Variants in CNTFR observed in about 807,000 individuals in gnomAD.
The protein encoded by CNTFR is ciliary neurotrophic factor receptor subunit alpha.
A neutral mutation model predicts 40.4 loss-of-function variants in CNTFR; 12 were observed. That is an observed-to-expected ratio of 0.30 (90% CI 0.19 to 0.48). The LOEUF is 0.48. Ranked by LOEUF, CNTFR falls within the 20% of genes least tolerant of loss-of-function variation. The pLI is 0.99. For synonymous variants in CNTFR, 202 were observed against 209.6 expected, an observed-to-expected ratio of 0.96 and a Z score of 0.31; for missense variants, 414 against 506.8, an observed-to-expected ratio of 0.82 and a Z score of 1.76.
In CNTFR at chr9:34,565,632, G is replaced by A. The variant is rs560517423; in HGVS notation, c.86-800C>T. 5.9e-5 allele frequency among the ~76,000 whole-genome samples: 9 copies of A among 152,134 alleles called. No individual in the cohort carries two copies. In the South Asian group the frequency reaches 1.9e-3, roughly 32 times the overall value. ...CTGACCATTCCTCTCCTACCCCCAG[G>A]AGCGGCCTGTCAGAGCCAAAAGCAA... On this transcript the variant is annotated intron_variant, in intron 3 of 9. Transcript: ENST00000378980.
chr9:34,590,511 A>G (rs1827732329), upstream of CNTFR, among the ~76,000 whole-genome samples: 1 of 152,206 alleles, frequency 6.6e-6, no homozygotes. Flanking sequence ...CGCGGGGGAA[A>G]GGGGCTTCCT....
At chr9:34,555,935 G>GCCATCTCCCTCCCCCA (rs796955166) in intron 7 of CNTFR, among the ~76,000 whole-genome samples, 2 of 20,044 alleles carry the variant, frequency 1.0e-4, no homozygotes, top group Admixed American at 1.2e-3. Context: ...TCCCTCCCCC[G>GCCATCTCCCTCCCCCA]CCATCTCCCT....
At chr9:34,565,396 T>A (rs921445953) in intron 3 of CNTFR, among the ~76,000 whole-genome samples, 1 of 151,954 alleles carries the variant, frequency 6.6e-6, no homozygotes, top group African/African-American at 2.4e-5. Flanking sequence ...TCTCTTCCTG[T>A]CTCTCTCCCT....
At position 34,557,477 on chromosome 9, in the gene CNTFR, T is replaced by C. The variant is rs761089076; in HGVS notation, c.604+49A>G. 1 of 1,598,046 alleles carries C rather than the reference T, an allele frequency of 6.3e-7. No homozygotes were observed. The highest frequency in any genetic ancestry group is 1.3e-5 in the African/African-American group (1 of 74,812). On this transcript the variant is annotated intron_variant, in intron 6 of 9. Transcript: ENST00000378980. This position sits in a 1 kb window ranked among gnomAD's most constrained non-coding sequence, Gnocchi z 4.2. ...TCCCCACCAATGGCACACATCCACTTACATTCCCACTGGAGTAGGCAGCAG... is the reference window on the plus strand; with the variant it reads ...TCCCCACCAATGGCACACATCCACTCACATTCCCACTGGAGTAGGCAGCAG...
Position 34,551,657 on chromosome 9 carries a change from C to CG in CNTFR, c.*413_*414insC. On this transcript the variant is annotated 3_prime_UTR_variant, in exon 10 of 10. Transcript: ENST00000378980. ...TGCTGGGGGGAGGGGGATGGCTGGG[C>CG]CCCCCCAGCATCAGGAGCTTATAAT... The CG allele has an allele frequency of 3.1e-6, 1 of 322,352 alleles. No individual in the cohort carries two copies. 20.0% of individuals were successfully genotyped at this position (322,352 alleles called of 1,614,324 possible).
At chr9:34,579,210 G>C (rs941623943) in intron 2 of CNTFR, among the ~76,000 whole-genome samples, 3 of 152,156 alleles carry the variant, frequency 2.0e-5, no homozygotes, top group African/African-American at 7.2e-5. Flanking sequence ...TAGCTCAAAA[G>C]GGGCTGGAAC....
intron 6 of CNTFR, 62 bp from the exon 7 acceptor site, chr9:34,556,480 TC>T: frequency 6.7e-7 from 1 of 1,495,378 alleles, no homozygotes; most frequent in Non-Finnish European, 9.1e-7. Context: ...CTTTGTCAAC[TC>T]CAGCCACCAT....
chr9:34,584,154 T>C (rs761603115), intron 1 of CNTFR, among the ~76,000 whole-genome samples: 1 of 152,186 alleles, frequency 6.6e-6, no homozygotes, highest in African/African-American at 2.4e-5. Flanking sequence ...TTGAAATGGA[T>C]CCTACTGACT....
In CNTFR at chr9:34,568,935, G is replaced by C; in HGVS notation, c.47C>G (p.Ala16Gly). The change falls in exon 3 of 10, where the codon GCC (alanine) becomes GGC (glycine). Residue 16 changes from alanine to glycine, a missense_variant. Ala to Gly is a moderately conservative substitution (Grantham distance 60, BLOSUM62 0). Around this residue, in one of 3 missense-constraint regions of CNTFR, gnomAD observed 250 missense variants for 269.5 expected, o/e 0.93. Transcript: ENST00000378980. ...TCTCTGGGCGTAGACAACTGCGGCG[G>C]CGGCGGCAAGCACAGCACAGCAGGC... Reference protein sequence around the residue: ...PWACCAVLAAAAAVVYAQRHS... With the variant: ...PWACCAVLAAGAAVVYAQRHS... 6.2e-7 allele frequency: 1 copy of C among 1,601,566 alleles called. No homozygotes were observed. The highest frequency in any genetic ancestry group is 8.5e-7 in the Non-Finnish European group (1 of 1,174,506).
At chr9:34,565,265 A>T (rs868729044) in intron 3 of CNTFR, among the ~76,000 whole-genome samples, 7 of 151,926 alleles carry the variant, frequency 4.6e-5, no homozygotes. Flanking sequence ...ATTATTACCC[A>T]GGCAAGCTGG....
chr9:34,566,420 G>C (rs951857484), intron 3 of CNTFR, among the ~76,000 whole-genome samples: 1 of 152,126 alleles, frequency 6.6e-6, no homozygotes, highest in East Asian at 1.9e-4. Flanking sequence ...GGGGGCCTTG[G>C]AGGCCACAGC....
chr9:34,566,391 G>A (rs907181967), intron 3 of CNTFR, among the ~76,000 whole-genome samples: 4 of 152,180 alleles, frequency 2.6e-5, no homozygotes, highest in African/African-American at 7.2e-5. Flanking sequence ...GACGATGAAC[G>A]GGCGGAAGGG....
At chr9:34,585,575 C>G (rs1403374654) in intron 1 of CNTFR, among the ~76,000 whole-genome samples, 1 of 152,208 alleles carries the variant, frequency 6.6e-6, no homozygotes. Flanking sequence ...TCTGGTGACC[C>G]CCAACCGGGC....
chr9:34,566,845 C>T (rs1228488076), intron 3 of CNTFR, among the ~76,000 whole-genome samples: 1 of 152,160 alleles, frequency 6.6e-6, no homozygotes, highest in Non-Finnish European at 1.5e-5. Context: ...CACCTCCCCA[C>T]CACACCTTGT....
chr9:34,566,432 G>A (rs1826295958), intron 3 of CNTFR, among the ~76,000 whole-genome samples: 1 of 152,154 alleles, frequency 6.6e-6, no homozygotes, highest in Admixed American at 6.5e-5. Context: ...GGCCACAGCT[G>A]TGAGGCTGGA....
chr9:34,558,883 C>T (rs1825956662), intron 4 of CNTFR, among the ~76,000 whole-genome samples: 1 of 152,206 alleles, frequency 6.6e-6, no homozygotes, highest in African/African-American at 2.4e-5. Context: ...TATACACACA[C>T]ACTTGGGAAG....
intron 3 of CNTFR, among the ~76,000 whole-genome samples, chr9:34,568,424 C>T (rs187211331): frequency 6.8e-4 from 103 of 152,274 alleles, no homozygotes; most frequent in African/African-American, 2.2e-3. Flanking sequence ...GGCTCTCTCC[C>T]GCATGTTAGC....
chr9:34,574,120 C>T lies in CNTFR; in HGVS notation c.1-5139G>A, dbSNP rs566930956. The stretch of plus-strand genomic sequence containing the variant: ...GTGGGGGCGGGGGCAGAGGCCTGAG[C>T]GGTCCAGAGGCTTGGGGGGTGGGGG... On this transcript the variant is annotated intron_variant, in intron 2 of 9. Coordinates refer to ENST00000378980, the MANE Select transcript of CNTFR (RefSeq NM_147164.3). Among the ~76,000 whole-genome samples the T allele has an allele frequency of 3.1e-3, 438 of 140,760 alleles. 1 individual carries two copies. The highest frequency in any genetic ancestry group is 4.5e-3 in the Non-Finnish European group (290 of 65,022). The allele number at this position is 140,760 out of a possible 152,430, so 92.3% of individuals were successfully genotyped here. A position where few individuals can be genotyped will look rare whatever the true frequency, so the allele number is the denominator to read the frequency against.
rs1489899817 is a variant in CNTFR, at chr9:34,557,276, C to T, written c.604+250G>A. 6.6e-6 allele frequency among the ~76,000 whole-genome samples: 1 copy of T among 152,082 alleles called. No individual in the cohort carries two copies. The highest frequency in any genetic ancestry group is 2.4e-5 in the African/African-American group (1 of 41,410). On this transcript the variant is annotated intron_variant, in intron 6 of 9. Transcript: ENST00000378980. The surrounding 1 kb of genome is among the most constrained non-coding windows in gnomAD (Gnocchi z 4.2). ...TTCCCCCTGCTGCATGTTCTGGGAG[C>T]CAGAAAAATGATCGAAAGAGCTGCT...
Sources: allele counts gnomAD v4.1 joint callset (sites outside exome capture counted in the v4.1 genomes callset), GRCh38; gene constraint gnomAD v4.1.1; regional missense constraint gnomAD v4.1.1; non-coding constraint Gnocchi (gnomAD v3.1); transcripts MANE v1.5; gene names NCBI Gene and HGNC (gene_info 2026-07-23, HGNC 2026-07-21).